Variants in USH2A observed in about 807,000 individuals in gnomAD.
USH2A encodes the protein usherin, also known as Usher syndrome 2A (autosomal recessive, mild).
A neutral mutation model predicts 538.9 loss-of-function variants in USH2A; 443 were observed. The ratio of observed to expected loss-of-function variants is 0.82; its 90% CI spans 0.76 to 0.89. USH2A has a LOEUF of 0.89. USH2A is among the 40% of genes least tolerant of loss of function. The pLI is 0.00. For synonymous variants in USH2A, 2,413 were observed against 2,273.5 expected (o/e 1.06, Z -1.75); for missense variants, 6,633 against 6,324.8 (o/e 1.05, Z -1.65).
intron 41 of USH2A, among the ~76,000 whole-genome samples, chr1:215,888,168 T>C (rs1009281792): frequency 2.6e-5 from 4 of 152,218 alleles, no homozygotes; most frequent in African/African-American, 9.6e-5. Context: ...CTAAGCATCA[T>C]TGTGGCATTC....
intron 21 of USH2A, among the ~76,000 whole-genome samples, chr1:216,171,593 A>C (rs1281459518): frequency 6.6e-6 from 1 of 152,100 alleles, no homozygotes; most frequent in East Asian, 1.9e-4. Flanking sequence ...AATATTTATT[A>C]AATGAATAAT....
In USH2A at chr1:216,355,383, G is replaced by GAAAGAAAGAAAGAAAGAAAGAAAC. The variant is rs879931965; in HGVS notation, c.784+9569_784+9570insGTTTCTTTCTTTCTTTCTTTCTTT. Reference sequence around the variant, plus strand: ...AGAAAGAAAGAAAGAAAGAAGGAAAGAAACATATAGTATACAAGAAAACAT... The same window carrying GAAAGAAAGAAAGAAAGAAAGAAAC: ...AGAAAGAAAGAAAGAAAGAAGGAAAGAAAGAAAGAAAGAAAGAAAGAAACAAACATATAGTATACAAGAAAACAT... On this transcript the variant is annotated intron_variant, in intron 4 of 71. Transcript: ENST00000307340. Among the ~76,000 whole-genome samples, 354 of 148,528 alleles carry GAAAGAAAGAAAGAAAGAAAGAAAC rather than the reference G, an allele frequency of 2.4e-3. 4 individuals carry two copies. The highest frequency in any genetic ancestry group is 3.2e-3 in the South Asian group (15 of 4,668).
chr1:215,953,243 AG>A (rs1228052875), intron 37 of USH2A, among the ~76,000 whole-genome samples: 1 of 152,174 alleles, frequency 6.6e-6, no homozygotes, highest in Non-Finnish European at 1.5e-5. Flanking sequence ...CCAAAAAAAG[AG>A]CCCGCATTGC....
intron 47 of USH2A, among the ~76,000 whole-genome samples, chr1:215,822,956 T>A (rs913363114): frequency 6.6e-6 from 1 of 152,060 alleles, no homozygotes; most frequent in Non-Finnish European, 1.5e-5. Context: ...ATATTTTGAC[T>A]TTATGTCGTC....
At chr1:215,917,285 T>C (rs1457295186) in intron 38 of USH2A, among the ~76,000 whole-genome samples, 4 of 152,110 alleles carry the variant, frequency 2.6e-5, no homozygotes, top group Non-Finnish European at 4.4e-5. Context: ...TTAGCATTCC[T>C]ATTATTTTGA....
At chr1:215,924,278 T>C (rs1666177209) in intron 38 of USH2A, among the ~76,000 whole-genome samples, 2 of 152,094 alleles carry the variant, frequency 1.3e-5, no homozygotes, top group South Asian at 4.1e-4. Flanking sequence ...CTTAAGTTTT[T>C]AAGTTTTCTT....
At chr1:216,367,642 G>T (rs1194022388) in intron 3 of USH2A, among the ~76,000 whole-genome samples, 1 of 152,058 alleles carries the variant, frequency 6.6e-6, no homozygotes, top group Non-Finnish European at 1.5e-5. Flanking sequence ...AATGATTAAT[G>T]ATGATCCCAA....
intron 47 of USH2A, among the ~76,000 whole-genome samples, chr1:215,830,111 T>C (rs890190733): frequency 2.0e-5 from 3 of 152,292 alleles, no homozygotes; most frequent in East Asian, 1.9e-4. Context: ...CCCATTTTTT[T>C]TCCCCCTCCT....
chr1:216,110,841 C>G (rs2032850192), intron 21 of USH2A, among the ~76,000 whole-genome samples: 1 of 152,110 alleles, frequency 6.6e-6, no homozygotes, highest in Admixed American at 6.5e-5. Flanking sequence ...AATAAATGTT[C>G]ATAGAAAGGA....
At chr1:216,226,075 A>G (rs1304247254) in intron 14 of USH2A, among the ~76,000 whole-genome samples, 1 of 152,234 alleles carries the variant, frequency 6.6e-6, no homozygotes, top group African/African-American at 2.4e-5. Flanking sequence ...AACCAAAGGA[A>G]GAGGTAATTT....
intron 2 of USH2A, among the ~76,000 whole-genome samples, chr1:216,419,101 G>A (rs2102784746): frequency 6.6e-6 from 1 of 152,140 alleles, no homozygotes; most frequent in East Asian, 1.9e-4. Flanking sequence ...AGCAAATTTA[G>A]TGTCCATGGA....
intron 21 of USH2A, among the ~76,000 whole-genome samples, chr1:216,129,040 A>G (rs1407437095): frequency 6.6e-6 from 1 of 152,060 alleles, no homozygotes; most frequent in Non-Finnish European, 1.5e-5. Context: ...TTCACTTAAC[A>G]TAATGTCCTT....
chr1:216,083,492 A>G lies in USH2A; in HGVS notation c.5262T>C (p.Leu1754=), dbSNP rs2032017887. 6.2e-7 allele frequency: 1 copy of G among 1,612,426 alleles called. No individual in the cohort carries two copies. Among genetic ancestry groups the G allele is most frequent in the African/African-American group, 1.3e-5 (1 of 74,858 alleles). The change falls in exon 26 of 72, where the codon CTT becomes CTC. Residue 1754 remains leucine (L), a synonymous_variant. Coordinates refer to ENST00000307340, the MANE Select transcript of USH2A (RefSeq NM_206933.4). ...FRTDQLNGLL[L]FVYNKDGPDF... is the part of the protein sequence containing the mutation. ...CAGGTCCATCTTTGTTATAAACGAA[A>G]AGAAGCAATCCATTTAATTGGTCAG...
chr1:215,901,028 G>T, intron 38 of USH2A, 123 bp from the exon 39 acceptor site: 2 of 1,189,614 alleles, frequency 1.7e-6, no homozygotes, highest in Non-Finnish European at 2.4e-6. Context: ...GTTAAACATG[G>T]TCCATTTAAT....
intron 9 of USH2A, among the ~76,000 whole-genome samples, chr1:216,293,026 T>A (rs1037802998): frequency 6.8e-6 from 1 of 147,984 alleles, no homozygotes; most frequent in Non-Finnish European, 1.5e-5. Context: ...AGCATCTTTT[T>A]TTTTTTTTTT....
chr1:216,409,267 T>C (rs1008781507), intron 3 of USH2A, among the ~76,000 whole-genome samples: 2 of 152,148 alleles, frequency 1.3e-5, no homozygotes, highest in African/African-American at 4.8e-5. Flanking sequence ...TCCATGCTCA[T>C]GAATAGGAAG....
At position 216,175,390 on chromosome 1, in the gene USH2A, A is replaced by G; in HGVS notation, c.4489T>C (p.Ser1497Pro). The change falls in exon 21 of 72, where the codon TCT becomes CCT. Residue 1497 changes from serine (S) to proline (P), a missense_variant. By Grantham distance (74) the Ser-to-Pro change is moderately conservative. Transcript: ENST00000307340. ...CTCCTTTCCAGCTGATATATAGGAG[A>G]GGGTCCATTCAGTTCTTCAGGTGGA... ...WFPPEELNGPSPIYQLERRES... is the reference protein window; with the variant it reads ...WFPPEELNGPPPIYQLERRES... The G allele has an allele frequency of 6.2e-7, 1 of 1,613,718 alleles. No individual in the cohort carries two copies. Among genetic ancestry groups the G allele is most frequent in the Non-Finnish European group, 8.5e-7 (1 of 1,179,858 alleles).
At chr1:215,972,946 C>T (rs979937125) in intron 35 of USH2A, among the ~76,000 whole-genome samples, 1 of 152,034 alleles carries the variant, frequency 6.6e-6, no homozygotes, top group African/African-American at 2.4e-5. Flanking sequence ...AAGTGAAAGA[C>T]ACATAGTGAA....
intron 52 of USH2A, among the ~76,000 whole-genome samples, chr1:215,785,523 G>A (rs1427884959): frequency 6.6e-6 from 1 of 152,112 alleles, no homozygotes; most frequent in Non-Finnish European, 1.5e-5. Flanking sequence ...CTGAGATAAG[G>A]TTTTAAAGTA....
Sources: gnomAD v4.1 joint callset for allele counts (sites outside exome capture counted in the v4.1 genomes callset) on GRCh38, gnomAD v4.1.1 for gene constraint, MANE v1.5 for transcripts, NCBI Gene and HGNC (gene_info 2026-07-23, HGNC 2026-07-21) for gene names.